Variants in OR2L13 observed in about 807,000 individuals in gnomAD.
OR2L13 encodes the protein olfactory receptor 2L13.
Under a neutral mutation model 15.3 loss-of-function variants are expected in OR2L13, and 14 were observed. The observed-to-expected ratio is 0.91, with a 90% CI of 0.60 to 1.43. The LOEUF (loss-of-function observed/expected upper bound fraction) is 1.43, where lower values mean the gene tolerates loss of function less well. Ranked by LOEUF, OR2L13 falls within the 40% of genes most tolerant of loss-of-function variation. OR2L13 has a pLI of 0.00. For missense variants in OR2L13, 367 were observed against 387.9 expected, an observed-to-expected ratio of 0.95 and a Z score of 0.45; for synonymous variants, 152 against 142.9, an observed-to-expected ratio of 1.06 and a Z score of -0.45.
the OR2L13 span, among the ~76,000 whole-genome samples, chr1:248,087,818 A>T: frequency 6.6e-6 from 1 of 152,200 alleles, no homozygotes; most frequent in Non-Finnish European, 1.5e-5. Context: ...GTGAACAGAT[A>T]TGTCCCTTGT....
At chr1:248,011,872 C>A in the OR2L13 span, among the ~76,000 whole-genome samples, 3 of 152,094 alleles carry the variant, frequency 2.0e-5, no homozygotes, top group African/African-American at 4.8e-5. Context: ...AGGCCTGTAC[C>A]ACTGTGTCCT....
At chr1:247,975,219 T>A in the OR2L13 span, 27 of 400,144 alleles carry the variant, frequency 6.7e-5, no homozygotes, top group African/African-American at 5.7e-4. Flanking sequence ...TCACATTTCA[T>A]ATATGCCCCA....
At chr1:248,066,423 C>CT in the OR2L13 span, among the ~76,000 whole-genome samples, 13 of 151,444 alleles carry the variant, frequency 8.6e-5, no homozygotes, top group Admixed American at 4.0e-4. Context: ...CCACTACTAA[C>CT]TTTTTTTTTA....
chr1:247,989,923 C>A, the OR2L13 span, among the ~76,000 whole-genome samples: 30 of 152,204 alleles, frequency 2.0e-4, no homozygotes, highest in South Asian at 6.2e-3. Flanking sequence ...ATTTTATCTT[C>A]CCCTGAAGCA....
chr1:248,037,135 C>A, the OR2L13 span, among the ~76,000 whole-genome samples: 1 of 152,074 alleles, frequency 6.6e-6, no homozygotes, highest in Non-Finnish European at 1.5e-5. Flanking sequence ...AAAATCAAGA[C>A]TATGAATTAC....
chr1:247,987,576 C>T, the OR2L13 span, among the ~76,000 whole-genome samples: 9 of 152,226 alleles, frequency 5.9e-5, no homozygotes, highest in Non-Finnish European at 7.4e-5. Context: ...GTCCACAGTC[C>T]GCAGGCTAAA....
chr1:248,082,355 G>T, the OR2L13 span, among the ~76,000 whole-genome samples: 5 of 384 alleles, frequency 0.013, no homozygotes, highest in Admixed American at 0.057. Context: ...GGTGGGGGGT[G>T]GGGGGAGGGG....
chr1:248,038,834 A>G, the OR2L13 span: 1 of 1,614,186 alleles, frequency 6.2e-7, no homozygotes, highest in Middle Eastern at 1.6e-4. Flanking sequence ...TAGCCTGCAC[A>G]GACACTTGGG....
In OR2L13 at chr1:248,099,835, A is replaced by T. The variant is rs954282207; in HGVS notation, c.460A>T (p.Asn154Tyr). 1 of 1,614,000 alleles carries T rather than the reference A, an allele frequency of 6.2e-7. No homozygotes were observed. Among genetic ancestry groups the T allele is most frequent in the Non-Finnish European group, 8.5e-7 (1 of 1,179,970 alleles). ...AGGCTCTTGGACACTGGGGTCCATC[A>T]ACTCCTTGGCACACACAGTCTTTGC... is the stretch of plus-strand genomic sequence containing the variant. Residue 154 changes from asparagine to tyrosine, a missense_variant, in exon 3 of 3, where the codon AAC becomes TAC. By Grantham distance (143) the Asn-to-Tyr change is moderately radical (BLOSUM62 -2). Transcript: ENST00000641714.
chr1:247,945,287 G>C, the OR2L13 span, among the ~76,000 whole-genome samples: 1 of 152,104 alleles, frequency 6.6e-6, no homozygotes, highest in Non-Finnish European at 1.5e-5. Flanking sequence ...TCAGGAGCAG[G>C]TTGTTCAATT....
the OR2L13 span, among the ~76,000 whole-genome samples, chr1:248,000,730 A>G: frequency 6.6e-6 from 1 of 152,118 alleles, no homozygotes; most frequent in Non-Finnish European, 1.5e-5. Context: ...TTTCATTTAG[A>G]GTTTCTGAGA....
At chr1:247,948,761 T>TG in the OR2L13 span, 98 of 976,022 alleles carry the variant, frequency 1.0e-4, no homozygotes, top group Middle Eastern at 2.2e-4. Context: ...AAACATCCAC[T>TG]GGGGGGGCTT....
the OR2L13 span, among the ~76,000 whole-genome samples, chr1:248,081,775 C>A: frequency 1.3e-5 from 2 of 152,110 alleles, no homozygotes; most frequent in African/African-American, 2.4e-5. Context: ...ACTGAATAAC[C>A]TTCTCTTGAG....
the OR2L13 span, chr1:248,083,604 T>C: frequency 1.2e-5 from 16 of 1,286,618 alleles, no homozygotes; most frequent in Admixed American, 1.4e-4. Context: ...GTTGATAAAT[T>C]CAGGAACTTA....
chr1:248,086,699 T>A, the OR2L13 span, among the ~76,000 whole-genome samples: 228 of 152,048 alleles, frequency 1.5e-3, no homozygotes, highest in Admixed American at 3.0e-3. Context: ...TATAAGAATG[T>A]GAACAAATGC....
the OR2L13 span, among the ~76,000 whole-genome samples, chr1:247,995,947 CAG>C: frequency 6.6e-6 from 1 of 152,204 alleles, no homozygotes; most frequent in Admixed American, 6.5e-5. Context: ...GTGCAGGATG[CAG>C]AGTCTTCATC....
chr1:248,058,194 G>A, the OR2L13 span, among the ~76,000 whole-genome samples: 6,015 of 152,262 alleles, frequency 0.04, 399 homozygotes, highest in African/African-American at 0.14. Flanking sequence ...TAAAATGTTA[G>A]AAACATAACA....
chr1:247,971,857 A>T, the OR2L13 span, among the ~76,000 whole-genome samples: 3 of 152,206 alleles, frequency 2.0e-5, no homozygotes, highest in African/African-American at 7.2e-5. Flanking sequence ...AAAATTGACC[A>T]CATAATTGGA....
chr1:248,081,808 C>T, the OR2L13 span, among the ~76,000 whole-genome samples: 2 of 152,126 alleles, frequency 1.3e-5, no homozygotes, highest in Non-Finnish European at 2.9e-5. Flanking sequence ...GATTTACATG[C>T]ACTGGTTAAG....
Sources: gnomAD v4.1 joint callset for allele counts (sites outside exome capture counted in the v4.1 genomes callset) on GRCh38, gnomAD v4.1.1 for gene constraint, MANE v1.5 for transcripts, NCBI Gene and HGNC (gene_info 2026-07-23, HGNC 2026-07-21) for gene names.